Variants in BCLAF3 observed in about 807,000 individuals in gnomAD.
BCLAF3 encodes transient octamer binding factor 1.
A neutral mutation model predicts 51.2 loss-of-function variants in BCLAF3; 24 were observed. The ratio of observed to expected loss-of-function variants is 0.47; its 90% CI spans 0.34 to 0.66. The LOEUF (loss-of-function observed/expected upper bound fraction) is 0.66. Ranked by LOEUF, BCLAF3 falls within the 30% of genes least tolerant of loss-of-function variation. The pLI is 0.01. For missense variants in BCLAF3, 465 were observed against 525.1 expected (o/e 0.89, Z 1.12); for synonymous variants, 152 against 176.6 (o/e 0.86, Z 1.10).
chrX:19,977,469 C>T (rs1007938750), intron 1 of BCLAF3, among the ~76,000 whole-genome samples: 1 of 112,267 alleles, frequency 8.9e-6, no homozygotes, highest in Non-Finnish European at 1.9e-5. Context: ...CCAGCCACAA[C>T]GTTCCCTTAA....
chrX:19,962,651 A>G lies in BCLAF3; in HGVS notation c.1274+2393T>C, dbSNP rs965802599. Among the ~76,000 whole-genome samples the G allele has an allele frequency of 4.4e-5, 5 of 112,778 alleles. No homozygotes were observed. The East Asian group carries it at 1.1e-3, about 25-fold the overall frequency. ...AAAAATATCCAAAAAATAAGGTGGA[A>G]CAATAGATGAATAGATGTGTAATTA... On this transcript the variant is annotated intron_variant, in intron 4 of 11. Coordinates refer to ENST00000379682, the MANE Select transcript of BCLAF3 (RefSeq NM_001367774.2).
At chrX:19,959,066 C>T (rs1365815658) in intron 4 of BCLAF3, among the ~76,000 whole-genome samples, 1 of 112,599 alleles carries the variant, frequency 8.9e-6, no homozygotes, top group Admixed American at 9.4e-5. Context: ...GCATTCTTAC[C>T]TTTCAGTCTC....
intron 2 of BCLAF3, among the ~76,000 whole-genome samples, chrX:19,967,759 C>T (rs1484714496): frequency 4.5e-5 from 5 of 111,905 alleles, no homozygotes; most frequent in Non-Finnish European, 7.5e-5. Context: ...ATGGAGTTGG[C>T]GCAACCATGA....
At chrX:19,961,856 G>T (rs781532933) in intron 4 of BCLAF3, among the ~76,000 whole-genome samples, 3 of 112,159 alleles carry the variant, frequency 2.7e-5, no homozygotes, top group Non-Finnish European at 3.8e-5. Flanking sequence ...CATCCTGCAG[G>T]CCCTGGGCAG....
intron 11 of BCLAF3, among the ~76,000 whole-genome samples, chrX:19,926,523 C>A (rs1348353057): frequency 9.0e-6 from 1 of 111,259 alleles, no homozygotes; most frequent in Non-Finnish European, 1.9e-5. Flanking sequence ...AAAAATGGAG[C>A]AAGATCCAAG....
intron 8 of BCLAF3, among the ~76,000 whole-genome samples, chrX:19,939,779 C>A (rs757486052): frequency 8.9e-6 from 1 of 112,076 alleles, no homozygotes; most frequent in East Asian, 2.8e-4. Flanking sequence ...ACACATGATA[C>A]AACATGAATT....
At chrX:19,971,778 C>A (rs2072267308) in intron 1 of BCLAF3, among the ~76,000 whole-genome samples, 1 of 111,804 alleles carries the variant, frequency 8.9e-6, no homozygotes, top group African/African-American at 3.3e-5. Flanking sequence ...GCACAGACCA[C>A]AGAATAAATA....
At chrX:19,938,043 G>A (rs1235878986) in intron 8 of BCLAF3, among the ~76,000 whole-genome samples, 2 of 110,926 alleles carry the variant, frequency 1.8e-5, no homozygotes, top group South Asian at 3.8e-4. Flanking sequence ...CCACAGCAGC[G>A]AAGGACAGCC....
rs2072285832 is a variant in BCLAF3 at position 19,972,390 on chromosome X, AT to A, written c.-34-2093del. On this transcript the variant is annotated intron_variant, in intron 1 of 11. Transcript: ENST00000379682. ...GAAAATAATAAACCCAAAGGTGGTA[AT>A]TTTTTTGGGGGCGGGTGGGAACAAA... Among the ~76,000 whole-genome samples the A allele has an allele frequency of 4.5e-5, 5 of 111,676 alleles. No homozygotes were observed. In the South Asian group the frequency reaches 1.9e-3, roughly 42 times the overall value.
At chrX:19,941,282 C>T (rs1482401982) in intron 8 of BCLAF3, among the ~76,000 whole-genome samples, 1 of 106,587 alleles carries the variant, frequency 9.4e-6, no homozygotes, top group Non-Finnish European at 1.9e-5. Flanking sequence ...TTAATTAGAT[C>T]CCATTTGTCA....
chrX:19,920,714 G>A (rs1472332299), intron 11 of BCLAF3, among the ~76,000 whole-genome samples: 1 of 109,398 alleles, frequency 9.1e-6, no homozygotes, highest in African/African-American at 3.3e-5. Context: ...CCAGCTACTT[G>A]GGAGGCTGAG....
chrX:19,974,546 A>AAG (rs2072358650), intron 1 of BCLAF3, among the ~76,000 whole-genome samples: 1 of 111,938 alleles, frequency 8.9e-6, no homozygotes, highest in African/African-American at 3.3e-5. Flanking sequence ...TATTATTAAG[A>AAG]ACACTTTCCT....
At chrX:19,938,704 T>C (rs1603306359) in intron 8 of BCLAF3, among the ~76,000 whole-genome samples, 1 of 112,875 alleles carries the variant, frequency 8.9e-6, no homozygotes, top group South Asian at 3.6e-4. Context: ...GCCAGGAATA[T>C]TGAAGTACAT....
At chrX:19,964,944 T>A in intron 4 of BCLAF3, 100 bp downstream of exon 4, 2 of 734,248 alleles carry the variant, frequency 2.7e-6, no homozygotes, top group Non-Finnish European at 3.7e-6. Flanking sequence ...TCCCTCCCAC[T>A]TGATGGACTC....
chrX:19,987,070 T>C (rs1163185642), intron 1 of BCLAF3, among the ~76,000 whole-genome samples: 1 of 110,580 alleles, frequency 9.0e-6, no homozygotes. Flanking sequence ...CCTCCCAAAG[T>C]GCTGGGATTA....
intron 2 of BCLAF3, among the ~76,000 whole-genome samples, chrX:19,969,452 C>G (rs988089068): frequency 2.7e-5 from 3 of 112,332 alleles, no homozygotes; most frequent in Non-Finnish European, 5.6e-5. Context: ...TTTCTCTTCA[C>G]TCTTTCTGCC....
chrX:19,970,299 C>T lies in BCLAF3; in HGVS notation c.-34-1G>A. 8.3e-7 allele frequency: 1 copy of T among 1,208,613 alleles called. No homozygotes were observed. The highest frequency in any genetic ancestry group is 1.8e-5 in the South Asian group (1 of 56,820). Reference sequence around the variant, plus strand: ...CGTGAGCCACTATCCACTTTTTACACTGCAAAGAAACACAGGATTAGCAGG... The same window carrying T: ...CGTGAGCCACTATCCACTTTTTACATTGCAAAGAAACACAGGATTAGCAGG... On this transcript the variant is annotated splice_acceptor_variant, in intron 1 of 11. Transcript: ENST00000379682. LOFTEE classifies it low-confidence loss of function (5UTR_SPLICE).
At position 19,970,958 on chromosome X, in the gene BCLAF3, G is replaced by A. The variant is rs962029857; in HGVS notation, c.-34-660C>T. Among the ~76,000 whole-genome samples the A allele has an allele frequency of 5.3e-5, 6 of 112,298 alleles. No homozygotes were observed. In the East Asian group the frequency reaches 1.7e-3, roughly 31 times the overall value. On this transcript the variant is annotated intron_variant, in intron 1 of 11. Transcript: ENST00000379682. ...CCAGAATTCCTCTATCTGAATACAAGCACTACTACTTTCCTGTCTTTCACC... is the reference window on the plus strand; with the variant it reads ...CCAGAATTCCTCTATCTGAATACAAACACTACTACTTTCCTGTCTTTCACC...
At chrX:19,936,040 T>C in intron 9 of BCLAF3, 142 bp from the exon 10 acceptor site, 1 of 476,500 alleles carries the variant, frequency 2.1e-6, no homozygotes, top group Non-Finnish European at 3.6e-6. Flanking sequence ...GTAGAGCACA[T>C]ACACATCTCC....
Sources: allele counts gnomAD v4.1 joint callset (sites outside exome capture counted in the v4.1 genomes callset), GRCh38; gene constraint gnomAD v4.1.1; transcripts MANE v1.5; gene names NCBI Gene and HGNC (gene_info 2026-07-23, HGNC 2026-07-21).